UNKL: variants seen among roughly 807,000 people sequenced by gnomAD.
UNKL encodes unk like zinc finger, also known as putative E3 ubiquitin-protein ligase UNKL.
In UNKL, 60 loss-of-function variants were observed where a neutral mutation model predicts 78.0. That is an observed-to-expected ratio of 0.77 (90% CI 0.63 to 0.95). UNKL has a LOEUF of 0.95. UNKL is among the 40% of genes least tolerant of loss of function. The pLI, the probability that UNKL is intolerant of heterozygous loss-of-function variation, is 0.00. For missense variants in UNKL, 1,159 were observed against 1,045.7 expected, an observed-to-expected ratio of 1.11 and a Z score of -1.49; for synonymous variants, 608 against 474.8, an observed-to-expected ratio of 1.28 and a Z score of -3.65.
intron 2 of UNKL, 85 bp downstream of exon 2, chr16:1,413,761 G>A (rs2038154669): frequency 1.4e-6 from 2 of 1,397,102 alleles, no homozygotes; most frequent in East Asian, 2.5e-5. Flanking sequence ...GGACACTAAG[G>A]CGTCCGCTGA....
Position 1,371,572 on chromosome 16 carries a change from G to C in UNKL, c.1304C>G (p.Ala435Gly). 6.5e-7 allele frequency: 1 copy of C among 1,536,214 alleles called. No individual in the cohort carries two copies. The highest frequency in any genetic ancestry group is 8.7e-7 in the Non-Finnish European group (1 of 1,146,904). The stretch of plus-strand genomic sequence containing the variant: ...CTCTTCCAGGTCCTTCTCTAGGGAT[G>C]CAATATTCACATTGCTAAGATGCAG... ...LDLHLSNVNI[A>G]SLEKDLEEQD... The change falls in exon 11 of 15, where the codon GCA (alanine) becomes GGA (glycine). Residue 435 changes from alanine (A) to glycine (G), a missense_variant. Transcript: ENST00000389221.
chr16:1,366,828 G>A (rs552723122), intron 14 of UNKL, among the ~76,000 whole-genome samples: 5 of 152,214 alleles, frequency 3.3e-5, no homozygotes, highest in Admixed American at 1.3e-4. Context: ...ATGGGGCCAC[G>A]GGGAGCAGTG....
intron 3 of UNKL, among the ~76,000 whole-genome samples, chr16:1,402,400 C>T (rs566751616): frequency 2.6e-5 from 4 of 151,946 alleles, no homozygotes; most frequent in East Asian, 3.9e-4. Context: ...CAGCGGCTCA[C>T]GTCTGTAATC....
In UNKL at chr16:1,370,064, G is replaced by A. The variant is rs556096325; in HGVS notation, c.1585+66C>T. The A allele has an allele frequency of 7.7e-6, 12 of 1,549,240 alleles. No individual in the cohort carries two copies. In the South Asian group the frequency reaches 1.1e-4, roughly 14 times the overall value. On this transcript the variant is annotated intron_variant, in intron 12 of 14. Transcript: ENST00000389221. ...CCGTGTGAGGCCCCTCAGTCAGGAC[G>A]GCATCTGGGAGGGAGCCCCACGGAG...
Position 1,403,760 on chromosome 16 carries a change from G to A in UNKL, c.288-416C>T, listed in dbSNP as rs2037633022. 6.6e-6 allele frequency among the ~76,000 whole-genome samples: 1 copy of A among 152,194 alleles called. No homozygotes were observed. Among genetic ancestry groups the A allele is most frequent in the Admixed American group, 6.5e-5 (1 of 15,276 alleles). ...CCTTACCCGTCGCAGTCACAAAGTG[G>A]GGGCCCCTCCTGCCCAGCGTCCTGC... On this transcript the variant is annotated intron_variant, in intron 2 of 14. Coordinates refer to ENST00000389221, the MANE Select transcript of UNKL (RefSeq NM_001372107.1). The surrounding 1 kb of genome is among the most constrained non-coding windows in gnomAD (Gnocchi z 4.8).
Position 1,414,052 on chromosome 16 carries a change from G to C in UNKL, c.81C>G (p.Tyr27Ter). The change falls in exon 2 of 15, where the codon TAC (tyrosine) becomes TAG (stop). Residue 27 changes from tyrosine to a stop codon, truncating the protein, a stop_gained. Coordinates refer to ENST00000389221, the MANE Select transcript of UNKL (RefSeq NM_001372107.1). LOFTEE classifies it high-confidence loss of function. ...ACTGCTCCGTCCTGAACTCCTTCAGGTACCTACAAACACAGACAGCGCCGC... is the reference window on the plus strand; with the variant it reads ...ACTGCTCCGTCCTGAACTCCTTCAGCTACCTACAAACACAGACAGCGCCGC... ...PQTEKPTHYRYLKEFRTEQCP... is the reference protein window; with the variant it reads ...PQTEKPTHYR 6.5e-7 allele frequency: 1 copy of C among 1,545,568 alleles called. No homozygotes were observed. The highest frequency in any genetic ancestry group is 1.2e-5 in the South Asian group (1 of 83,934).
Position 1,399,662 on chromosome 16 carries a change from G to T in UNKL, c.599-153C>A. ...GACACACGCCACGGCACACGCTGAT[G>T]TCAAAGGACTCGCGCTCCATGAGGG... On this transcript the variant is annotated intron_variant, in intron 4 of 14. Coordinates refer to ENST00000389221, the MANE Select transcript of UNKL (RefSeq NM_001372107.1). The surrounding 1 kb of genome is among the most constrained non-coding windows in gnomAD (Gnocchi z 5.8). 8.6e-7 allele frequency: 1 copy of T among 1,159,820 alleles called. No homozygotes were observed. Among genetic ancestry groups the T allele is most frequent in the Non-Finnish European group, 1.2e-6 (1 of 827,536 alleles). 71.8% of individuals were successfully genotyped at this position (1,159,820 alleles called of 1,614,324 possible). A position where few individuals can be genotyped will look rare whatever the true frequency, so the allele number is the denominator to read the frequency against.
rs372771165 is a variant in UNKL at position 1,405,335 on chromosome 16, C to T, written c.288-1991G>A. On this transcript the variant is annotated intron_variant, in intron 2 of 14. Transcript: ENST00000389221. ...AGGCAGCTGGGTACAGTGGCTCACG[C>T]CTGTGATCCCAGAACTTTGGAAGGC... 5.9e-5 allele frequency among the ~76,000 whole-genome samples: 9 copies of T among 152,050 alleles called. No homozygotes were observed. In the East Asian group the frequency reaches 7.7e-4, roughly 13 times the overall value.
Position 1,397,161 on chromosome 16 carries a change from G to A in UNKL, c.852+17C>T, listed in dbSNP as rs1178913466. 11 of 1,546,086 alleles carry A rather than the reference G, an allele frequency of 7.1e-6. No homozygotes were observed. The highest frequency in any genetic ancestry group is 7.9e-6 in the Non-Finnish European group (9 of 1,146,274). On this transcript the variant is annotated intron_variant, in intron 6 of 14. Transcript: ENST00000389221. Reference sequence around the variant, plus strand: ...CCTTCCAGCGACCCCTACGCCTGGGGGGTTGGAGGGACGTACCTCGGGATG... The same window carrying A: ...CCTTCCAGCGACCCCTACGCCTGGGAGGTTGGAGGGACGTACCTCGGGATG...
chr16:1,401,277 C>A (rs762927057), intron 4 of UNKL: 1 of 319,216 alleles, frequency 3.1e-6, no homozygotes, highest in Non-Finnish European at 5.7e-6. Context: ...TCACGAGTTC[C>A]GGTGGGAGTT....
At chr16:1,389,573 T>C (rs2036958118) in intron 9 of UNKL, among the ~76,000 whole-genome samples, 1 of 152,092 alleles carries the variant, frequency 6.6e-6, no homozygotes, top group Non-Finnish European at 1.5e-5. Context: ...AGACCCTGCC[T>C]CAAAAAATTT....
At chr16:1,396,943 C>A in intron 6 of UNKL, 4 of 544,616 alleles carry the variant, frequency 7.3e-6, no homozygotes, top group Non-Finnish European at 6.5e-6. Context: ...ATGACTCTTT[C>A]TTCTGTTACA....
chr16:1,368,815 C>T (rs2035531921), intron 12 of UNKL, among the ~76,000 whole-genome samples: 1 of 152,010 alleles, frequency 6.6e-6, no homozygotes, highest in Admixed American at 6.6e-5. Context: ...ACATGACAAT[C>T]ATTTTAACCC....
At chr16:1,401,748 C>G in intron 3 of UNKL, 47 bp from the exon 4 acceptor site, 1 of 1,569,916 alleles carries the variant, frequency 6.4e-7, no homozygotes, top group South Asian at 1.1e-5. Context: ...CTGGAGCCTC[C>G]AAAGCTGAAA....
chr16:1,382,831 G>A (rs924121001), intron 10 of UNKL, among the ~76,000 whole-genome samples: 65 of 151,988 alleles, frequency 4.3e-4, no homozygotes, highest in African/African-American at 1.4e-3. Context: ...GGTGGCAGGC[G>A]CCTATAGTCC....
intron 5 of UNKL, among the ~76,000 whole-genome samples, chr16:1,397,759 CAG>C (rs1471934227): frequency 1.8e-4 from 21 of 116,248 alleles, no homozygotes; most frequent in East Asian, 5.3e-4. Context: ...CAGGGGGACA[CAG>C]AGGACTTGGC....
At chr16:1,400,894 G>A (rs1372116297) in intron 4 of UNKL, among the ~76,000 whole-genome samples, 2 of 152,068 alleles carry the variant, frequency 1.3e-5, no homozygotes, top group Admixed American at 6.6e-5. Flanking sequence ...TCACCATGTT[G>A]GCCAGGCTGG....
chr16:1,369,172 C>T (rs913462187), intron 12 of UNKL, among the ~76,000 whole-genome samples: 13 of 144,164 alleles, frequency 9.0e-5, no homozygotes, highest in African/African-American at 1.3e-4. Flanking sequence ...CGGGTTCAAG[C>T]GATTCTCCTG....
At chr16:1,406,416 T>C (rs2037766539) in intron 2 of UNKL, among the ~76,000 whole-genome samples, 1 of 152,150 alleles carries the variant, frequency 6.6e-6, no homozygotes, top group Admixed American at 6.5e-5. Context: ...TTTCACCATG[T>C]TGACCAGGCT....
Sources: gnomAD v4.1 joint callset for allele counts (sites outside exome capture counted in the v4.1 genomes callset) on GRCh38, gnomAD v4.1.1 for gene constraint, Gnocchi (gnomAD v3.1) non-coding constraint, MANE v1.5 for transcripts, NCBI Gene and HGNC (gene_info 2026-07-23, HGNC 2026-07-21) for gene names.